The following ARHGAP33 variants were observed in gnomAD, a reference collection of about 807,000 sequenced individuals.
The protein encoded by ARHGAP33 is Rho GTPase activating protein 33, also known as rho GTPase-activating protein 33.
A neutral mutation model predicts 126.2 loss-of-function variants in ARHGAP33; 57 were observed. The ratio of observed to expected loss-of-function variants is 0.45; its 90% CI spans 0.36 to 0.56. The LOEUF (loss-of-function observed/expected upper bound fraction) is 0.56, where lower values mean the gene tolerates loss of function less well. ARHGAP33 is among the 20% of genes least tolerant of loss of function. ARHGAP33 has a pLI of 0.00. For synonymous variants in ARHGAP33, 711 were observed against 755.0 expected, an observed-to-expected ratio of 0.94 and a Z score of 0.95; for missense variants, 1,500 against 1,748.3, an observed-to-expected ratio of 0.86 and a Z score of 2.53.
At chr19:35,776,097 C>G (rs1213496453) in intron 1 of ARHGAP33, among the ~76,000 whole-genome samples, 2 of 136,984 alleles carry the variant, frequency 1.5e-5, no homozygotes, top group Non-Finnish European at 3.2e-5. Context: ...CCGAGCCCCA[C>G]CCCCCACCCG....
chr19:35,781,580 AC>A (rs1971781466), intron 12 of ARHGAP33, among the ~76,000 whole-genome samples: 1 of 152,200 alleles, frequency 6.6e-6, no homozygotes, highest in South Asian at 2.1e-4. Context: ...GATGACAGGT[AC>A]TATGGAGGAA....
chr19:35,785,557 G>T, intron 19 of ARHGAP33, 74 bp downstream of exon 19: 1 of 1,596,212 alleles, frequency 6.3e-7, no homozygotes, highest in South Asian at 1.1e-5. Context: ...CCCTGGTTTG[G>T]CCTCCAAATT....
chr19:35,784,696 T>TC, intron 16 of ARHGAP33: 1 of 1,112,686 alleles, frequency 9.0e-7, no homozygotes, highest in Non-Finnish European at 1.1e-6. Context: ...CGGAGGGCCC[T>TC]CTGGCCCGAG....
chr19:35,786,331 C>A lies in ARHGAP33; in HGVS notation c.1943-82C>A. ...CTACTGTGGCCCTCTCCAGGAGGCG[C>A]CTCTTCATGTCCTTTCCCCAGCTTT... On this transcript the variant is annotated intron_variant, in intron 19 of 20. Transcript: ENST00000007510. This position sits in a 1 kb window ranked among gnomAD's most constrained non-coding sequence, Gnocchi z 7.0. 1 of 1,454,304 alleles carries A rather than the reference C, an allele frequency of 6.9e-7. No homozygotes were observed. Among genetic ancestry groups the A allele is most frequent in the Non-Finnish European group, 9.0e-7 (1 of 1,107,468 alleles). The allele number at this position is 1,454,304 out of a possible 1,614,324, so 90.1% of individuals were successfully genotyped here. A position where few individuals can be genotyped will look rare whatever the true frequency, so the allele number is the denominator to read the frequency against.
At position 35,782,010 on chromosome 19, in the gene ARHGAP33, G is replaced by A. The variant is rs943942720; in HGVS notation, c.1086-363G>A. 2.6e-5 allele frequency among the ~76,000 whole-genome samples: 4 copies of A among 152,148 alleles called. No homozygotes were observed. The highest frequency in any genetic ancestry group is 9.7e-5 in the African/African-American group (4 of 41,424). On this transcript the variant is annotated intron_variant, in intron 12 of 20. Transcript: ENST00000007510. The surrounding 1 kb of genome is among the most constrained non-coding windows in gnomAD (Gnocchi z 4.1). ...GGCAGTGGGGCCCCACCAGAGAATTGGGAGTAGCAGGGTGCTGGGATTTTG... is the reference window on the plus strand; with the variant it reads ...GGCAGTGGGGCCCCACCAGAGAATTAGGAGTAGCAGGGTGCTGGGATTTTG...
At chr19:35,779,750 G>A in intron 6 of ARHGAP33, 1 of 354,572 alleles carries the variant, frequency 2.8e-6, no homozygotes, top group Non-Finnish European at 5.6e-6. Context: ...AAAAAAAAAT[G>A]TTTTGTAGAG....
At position 35,788,733 on chromosome 19, in the gene ARHGAP33, CG is replaced by C. The variant is rs976904123; in HGVS notation, c.*308del. On this transcript the variant is annotated 3_prime_UTR_variant, in exon 21 of 21. Transcript: ENST00000007510. ...CCCCCAGCATGTCCTGACCTGTGCA[CG>C]GGGATGGGGGGACAACTCCTACCCT... 2.4e-4 allele frequency: 80 copies of C among 330,276 alleles called. 2 individuals are homozygous for C. In the Admixed American group the frequency reaches 3.9e-3, roughly 16 times the overall value. 20.5% of individuals were successfully genotyped at this position (330,276 alleles called of 1,614,324 possible).
chr19:35,779,245 G>T, intron 6 of ARHGAP33, 121 bp downstream of exon 6: 1 of 734,614 alleles, frequency 1.4e-6, no homozygotes, highest in Non-Finnish European at 2.2e-6. Flanking sequence ...AGGAGGCGTT[G>T]ATATTTTAGT....
chr19:35,778,320 G>A lies in ARHGAP33; in HGVS notation c.230G>A (p.Gly77Glu). 6.2e-7 allele frequency: 1 copy of A among 1,614,172 alleles called. No individual in the cohort carries two copies. Among genetic ancestry groups the A allele is most frequent in the East Asian group, 2.2e-5 (1 of 44,874 alleles). Reference sequence around the variant, plus strand: ...GACCGTGAAGGGCCCAGCCTCTCTGGAGAGAATGAGCTGGTGTTCGGGGTG... The same window carrying A: ...GACCGTGAAGGGCCCAGCCTCTCTGAAGAGAATGAGCTGGTGTTCGGGGTG... The part of the protein sequence containing the change: ...SPDREGPSLS[G>E]ENELVFGVQV... The change falls in exon 4 of 21, where the codon GGA becomes GAA. Residue 77 changes from glycine (G) to glutamate (E), a missense_variant. Coordinates refer to ENST00000007510, the MANE Select transcript of ARHGAP33 (RefSeq NM_001366178.1).
Position 35,787,988 on chromosome 19 carries a change from C to T in ARHGAP33, c.3423C>T (p.Ala1141=), listed in dbSNP as rs1445577353. The T allele has an allele frequency of 6.6e-7, 1 of 1,511,430 alleles. No homozygotes were observed. The highest frequency in any genetic ancestry group is 1.1e-5 in the South Asian group (1 of 88,912). The allele number at this position is 1,511,430 out of a possible 1,614,324, so 93.6% of individuals were successfully genotyped here. A position where few individuals can be genotyped will look rare whatever the true frequency, so the allele number is the denominator to read the frequency against. The change falls in exon 21 of 21, where the codon GCC becomes GCT. Residue 1141 remains alanine (A), a synonymous_variant. Coordinates refer to ENST00000007510, the MANE Select transcript of ARHGAP33 (RefSeq NM_001366178.1). ...ACTTCCTGCTCAGCTACCCGCCAGC[C>T]CCCTCCTGCTTTCCCCCTGACCACC... The part of the protein sequence containing the change: ...SPDFLLSYPP[A]PSCFPPDHLG...
At position 35,777,806 on chromosome 19, in the gene ARHGAP33, G is replaced by T; in HGVS notation, c.105-18G>T. On this transcript the variant is annotated intron_variant, in intron 2 of 20. Coordinates refer to ENST00000007510, the MANE Select transcript of ARHGAP33 (RefSeq NM_001366178.1). Reference sequence around the variant, plus strand: ...GGAGACTCAAGGAGCTGCTGGTGACGCATCCCCTGTCTCCCAGGCTCTCAG... The same window carrying T: ...GGAGACTCAAGGAGCTGCTGGTGACTCATCCCCTGTCTCCCAGGCTCTCAG... 1.2e-6 allele frequency: 2 copies of T among 1,614,014 alleles called. No individual in the cohort carries two copies. The highest frequency in any genetic ancestry group is 8.5e-7 in the Non-Finnish European group (1 of 1,179,880).
chr19:35,786,763 G>A lies in ARHGAP33; in HGVS notation c.2293G>A (p.Ala765Thr), dbSNP rs1163466220. 4 of 993,456 alleles carry A rather than the reference G, an allele frequency of 4.0e-6. No individual in the cohort carries two copies. The highest frequency in any genetic ancestry group is 2.7e-5 in the Admixed American group (1 of 37,630). The allele number at this position is 993,456 out of a possible 1,614,324, so 61.5% of individuals were successfully genotyped here. A position where few individuals can be genotyped will look rare whatever the true frequency, so the allele number is the denominator to read the frequency against. ...ACCTCCCGCCAGCCCAGCACCCCCC[G>A]CCCCTGCCTCTGCCTTCCCACCCAG... is the stretch of plus-strand genomic sequence containing the variant. Reference protein sequence around the residue: ...PAPPASPAPPAPASAFPPRVT... With the variant: ...PAPPASPAPPTPASAFPPRVT... The change falls in exon 20 of 21, where the codon GCC becomes ACC. Residue 765 changes from alanine to threonine, a missense_variant. This residue lies in a region of ARHGAP33 where 73 missense variants were observed against 110.8 expected (regional missense o/e 0.66). Coordinates refer to ENST00000007510, the MANE Select transcript of ARHGAP33 (RefSeq NM_001366178.1). This position sits in a 1 kb window ranked among gnomAD's most constrained non-coding sequence, Gnocchi z 7.0.
Position 35,786,086 on chromosome 19 carries a change from G to A in ARHGAP33, c.1943-327G>A. On this transcript the variant is annotated intron_variant, in intron 19 of 20. Transcript: ENST00000007510. The surrounding 1 kb of genome is among the most constrained non-coding windows in gnomAD (Gnocchi z 7.0). ...ACCCCACCCAGCCGTGCCTCTGGGG[G>A]CTCTTCTGAGCCACCGCGCCATCCT... 8.2e-7 allele frequency: 1 copy of A among 1,214,332 alleles called. No homozygotes were observed. Among genetic ancestry groups the A allele is most frequent in the Non-Finnish European group, 1.0e-6 (1 of 973,716 alleles). The allele number at this position is 1,214,332 out of a possible 1,614,324, so 75.2% of individuals were successfully genotyped here.
In ARHGAP33 at chr19:35,788,354, G is replaced by A. The variant is rs554768396; in HGVS notation, c.3789G>A (p.Gly1263=). 3 of 1,603,794 alleles carry A rather than the reference G, an allele frequency of 1.9e-6. No individual in the cohort carries two copies. Among genetic ancestry groups the A allele is most frequent in the Admixed American group, 1.7e-5 (1 of 58,372 alleles). The change falls in exon 21 of 21, where the codon GGG becomes GGA. Residue 1263 remains glycine (G), a synonymous_variant. Transcript: ENST00000007510. The part of the protein sequence containing the change: ...LYRNGGQRGE[G]AGPPPPYPTP... ...GAAATGGAGGGCAAAGAGGGGAGGG[G>A]GCTGGTCCCCCACCCCCTTACCCCA...
chr19:35,781,084 G>GGGGGGCCCCCCCCCC lies in ARHGAP33; in HGVS notation c.982+12_982+13insGGGGGCCCCCCCCCC. 6.2e-7 allele frequency: 1 copy of GGGGGGCCCCCCCCCC among 1,607,624 alleles called. No homozygotes were observed. The highest frequency in any genetic ancestry group is 8.5e-7 in the Non-Finnish European group (1 of 1,176,540). ...CTCAGGCCAGGATGGTGAGGCCGGG[G>GGGGGGCCCCCCCCCC]CCCACCCACCCCACCCGTCACACCA... is the stretch of plus-strand genomic sequence containing the variant. On this transcript the variant is annotated intron_variant, in intron 11 of 20. Transcript: ENST00000007510.
chr19:35,780,145 A>G, intron 6 of ARHGAP33, 66 bp from the exon 7 acceptor site: 1 of 1,589,116 alleles, frequency 6.3e-7, no homozygotes, highest in Non-Finnish European at 8.6e-7. Context: ...AGCGCGGAGG[A>G]GCTTGGTATG....
chr19:35,786,247 CG>C lies in ARHGAP33; in HGVS notation c.1943-164del. On this transcript the variant is annotated intron_variant, in intron 19 of 20. Transcript: ENST00000007510. The surrounding 1 kb of genome is among the most constrained non-coding windows in gnomAD (Gnocchi z 7.0). ...GCCACAGGGCCTTCGTGCTTTGGGC[CG>C]GAAGTGTCCTCTTCATGGTCTCCAC... 7.0e-7 allele frequency: 1 copy of C among 1,424,820 alleles called. No homozygotes were observed. The allele number at this position is 1,424,820 out of a possible 1,614,324, so 88.3% of individuals were successfully genotyped here. A position where few individuals can be genotyped will look rare whatever the true frequency, so the allele number is the denominator to read the frequency against.
chr19:35,777,680 G>T lies in ARHGAP33; in HGVS notation c.42G>T (p.Glu14Asp). 1 of 1,588,650 alleles carries T rather than the reference G, an allele frequency of 6.3e-7. No homozygotes were observed. Among genetic ancestry groups the T allele is most frequent in the Non-Finnish European group, 8.6e-7 (1 of 1,167,300 alleles). ...RSTDSLDGPGEGSVQPLPTAG... is the reference protein window; with the variant it reads ...RSTDSLDGPGDGSVQPLPTAG... ...CTGACAGCCTGGATGGCCCAGGGGA[G>T]GGCTCGGTGCAGCCTCTACCCACTG... Residue 14 changes from glutamate (E) to aspartate (D), a missense_variant, in exon 2 of 21, where the codon GAG becomes GAT. Around this residue, in one of 6 missense-constraint regions of ARHGAP33, gnomAD observed 129 missense variants for 145.9 expected, o/e 0.88. Coordinates refer to ENST00000007510, the MANE Select transcript of ARHGAP33 (RefSeq NM_001366178.1).
At chr19:35,779,307 T>C (rs1971621017) in intron 6 of ARHGAP33, 183 bp downstream of exon 6, 2 of 584,070 alleles carry the variant, frequency 3.4e-6, no homozygotes, top group Non-Finnish European at 6.1e-6. Flanking sequence ...TGTGTGTGTG[T>C]GCACGTGTGT....
Sources: gnomAD v4.1 joint callset for allele counts (sites outside exome capture counted in the v4.1 genomes callset) on GRCh38, gnomAD v4.1.1 for gene constraint, gnomAD v4.1.1 regional missense constraint, Gnocchi (gnomAD v3.1) non-coding constraint, MANE v1.5 for transcripts, NCBI Gene and HGNC (gene_info 2026-07-23, HGNC 2026-07-21) for gene names.